WDR17: variants seen among roughly 807,000 people sequenced by gnomAD.
WDR17 encodes WD repeat-containing protein 17.
A neutral mutation model predicts 161.7 loss-of-function variants in WDR17; 143 were observed. That is an observed-to-expected ratio of 0.88 (90% CI 0.77 to 1.02). The LOEUF (loss-of-function observed/expected upper bound fraction) is 1.02, where lower values mean the gene tolerates loss of function less well. Ranked by LOEUF, WDR17 falls within the 50% of genes least tolerant of loss-of-function variation. The pLI is 0.00. For missense variants in WDR17, 1,469 were observed against 1,520.9 expected (o/e 0.97, Z 0.57); for synonymous variants, 517 against 515.6 (o/e 1.00, Z -0.04).
intron 23 of WDR17, among the ~76,000 whole-genome samples, chr4:176,171,773 ATT>A (rs77463468): frequency 6.6e-6 from 1 of 151,128 alleles, no homozygotes; most frequent in African/African-American, 2.4e-5. Context: ...ACAGAAAAAG[ATT>A]TTTTTTTAAT....
chr4:176,145,958 T>C (rs1746088618), intron 11 of WDR17, 37 bp from the exon 12 acceptor site: 1 of 1,577,150 alleles, frequency 6.3e-7, no homozygotes, highest in Admixed American at 1.7e-5. Context: ...ATATATCATA[T>C]TTATCCTATG....
chr4:176,132,745 T>G (rs1483922642), intron 7 of WDR17, among the ~76,000 whole-genome samples: 1 of 151,994 alleles, frequency 6.6e-6, no homozygotes, highest in East Asian at 1.9e-4. Flanking sequence ...TATAAACTCT[T>G]TCCTAGTGTG....
intron 26 of WDR17, 46 bp downstream of exon 26, chr4:176,174,764 T>G: frequency 8.2e-5 from 99 of 1,207,204 alleles, no homozygotes; most frequent in Non-Finnish European, 1.1e-4. Flanking sequence ...GCAATTTCTC[T>G]TGCTAAGATG....
At chr4:176,172,883 A>C (rs938193181) in intron 24 of WDR17, among the ~76,000 whole-genome samples, 1 of 152,156 alleles carries the variant, frequency 6.6e-6, no homozygotes, top group South Asian at 2.1e-4. Flanking sequence ...GAATTCACTC[A>C]TCACCAAGGG....
At chr4:176,164,635 C>T (rs1048398858) in intron 22 of WDR17, among the ~76,000 whole-genome samples, 10 of 152,176 alleles carry the variant, frequency 6.6e-5, no homozygotes, top group African/African-American at 2.4e-4. Context: ...GGATACCCAA[C>T]CTGTACCACT....
At chr4:176,164,167 A>G (rs1311192880) in intron 22 of WDR17, among the ~76,000 whole-genome samples, 1 of 152,192 alleles carries the variant, frequency 6.6e-6, no homozygotes, top group African/African-American at 2.4e-5. Context: ...GATTTTAAGT[A>G]CTTTATATGT....
intron 2 of WDR17, among the ~76,000 whole-genome samples, chr4:176,115,335 G>T (rs1740429975): frequency 6.6e-6 from 1 of 151,782 alleles, no homozygotes; most frequent in Non-Finnish European, 1.5e-5. Flanking sequence ...AATAAAAAGA[G>T]TGAATGACAT....
chr4:176,078,112 G>A (rs1399381648), intron 1 of WDR17, among the ~76,000 whole-genome samples: 1 of 151,944 alleles, frequency 6.6e-6, no homozygotes, highest in Non-Finnish European at 1.5e-5. Context: ...TGTATCACTA[G>A]TTCATTCCTT....
intron 1 of WDR17, among the ~76,000 whole-genome samples, chr4:176,098,491 T>A (rs1031299036): frequency 6.6e-6 from 1 of 152,010 alleles, no homozygotes; most frequent in Non-Finnish European, 1.5e-5. Context: ...TAGATATATA[T>A]TTTGAAATGG....
chr4:176,149,475 G>T (rs1017105004), intron 13 of WDR17, among the ~76,000 whole-genome samples: 2 of 151,948 alleles, frequency 1.3e-5, no homozygotes, highest in Non-Finnish European at 2.9e-5. Flanking sequence ...TCATCATGTT[G>T]CCCAGGCCGA....
chr4:176,162,298 T>A, intron 21 of WDR17, 124 bp downstream of exon 21: 1 of 701,882 alleles, frequency 1.4e-6, no homozygotes, highest in Non-Finnish European at 2.3e-6. Flanking sequence ...GAAGCCTGAG[T>A]AATTAAGTAA....
chr4:176,146,102 T>C lies in WDR17; in HGVS notation c.1637T>C (p.Phe546Ser), dbSNP rs1180998122. ...KVFSGHTAKV[F>S]HVKWSPLREG... ...TTTAGTGGGCATACAGCAAAAGTGT[T>C]TCATGTTAAATGGTCTCCTCTGAGA... Residue 546 changes from phenylalanine (F) to serine (S), a missense_variant, in exon 12 of 29, where the codon TTT becomes TCT. Physicochemically the swap from Phe to Ser is radical, Grantham distance 155. Transcript: ENST00000508596. 1 of 1,614,030 alleles carries C rather than the reference T, an allele frequency of 6.2e-7. No individual in the cohort carries two copies.
chr4:176,129,507 A>G (rs539457291), intron 6 of WDR17, among the ~76,000 whole-genome samples: 1 of 152,268 alleles, frequency 6.6e-6, no homozygotes, highest in African/African-American at 2.4e-5. Flanking sequence ...GGGAAAAATA[A>G]TAGACTTCCA....
At chr4:176,094,432 G>A (rs1330764897) in intron 1 of WDR17, among the ~76,000 whole-genome samples, 8 of 152,132 alleles carry the variant, frequency 5.3e-5, no homozygotes, top group Non-Finnish European at 1.5e-5. Flanking sequence ...AGAGATTTGA[G>A]GATTTGAGAA....
intron 1 of WDR17, among the ~76,000 whole-genome samples, chr4:176,100,069 T>C (rs1737569324): frequency 6.6e-6 from 1 of 152,176 alleles, no homozygotes; most frequent in Non-Finnish European, 1.5e-5. Flanking sequence ...CTTTTTGCTA[T>C]AATGATCTAT....
At chr4:176,067,303 G>A (rs1732655619) in intron 1 of WDR17, among the ~76,000 whole-genome samples, 4 of 152,186 alleles carry the variant, frequency 2.6e-5, no homozygotes, top group Admixed American at 2.6e-4. Context: ...TAATATTTTG[G>A]GAAACATCCT....
chr4:176,118,882 AC>A (rs1389266512), intron 3 of WDR17, among the ~76,000 whole-genome samples: 2 of 151,732 alleles, frequency 1.3e-5, no homozygotes, highest in African/African-American at 4.8e-5. Flanking sequence ...AATGGCATGA[AC>A]CCGGGAGGCG....
intron 1 of WDR17, among the ~76,000 whole-genome samples, chr4:176,107,888 CT>C (rs1739026231): frequency 1.4e-5 from 2 of 145,788 alleles, no homozygotes; most frequent in African/African-American, 5.1e-5. Context: ...TCTTTCCTTC[CT>C]TTTTTCCTTC....
At chr4:176,106,918 T>G (rs1738833383) in intron 1 of WDR17, among the ~76,000 whole-genome samples, 1 of 151,602 alleles carries the variant, frequency 6.6e-6, no homozygotes, top group Non-Finnish European at 1.5e-5. Context: ...GCCACTACAC[T>G]CCGGAAGGAA....
Sources: gnomAD v4.1 joint callset for allele counts (sites outside exome capture counted in the v4.1 genomes callset) on GRCh38, gnomAD v4.1.1 for gene constraint, MANE v1.5 for transcripts, NCBI Gene and HGNC (gene_info 2026-07-23, HGNC 2026-07-21) for gene names.